GAD2: variants seen among roughly 807,000 people sequenced by gnomAD.
GAD2 encodes the protein 65 kDa glutamic acid decarboxylase.
In GAD2, 22 loss-of-function variants were observed where a neutral mutation model predicts 80.1. The observed-to-expected ratio is 0.27, with a 90% CI of 0.20 to 0.39. The LOEUF (loss-of-function observed/expected upper bound fraction) is 0.39, where lower values mean the gene tolerates loss of function less well. Among genes scored for constraint, GAD2 ranks in the 10% least tolerant of loss-of-function variants. The probability of loss-of-function intolerance (pLI) is 1.00; values close to 1 mark genes in which losing one functional copy is unlikely to be tolerated. For synonymous variants in GAD2, 274 were observed against 256.9 expected, an observed-to-expected ratio of 1.07 and a Z score of -0.64; for missense variants, 624 against 738.4, an observed-to-expected ratio of 0.85 and a Z score of 1.80.
At chr10:26,237,159 T>C (rs1477854978) in intron 7 of GAD2, among the ~76,000 whole-genome samples, 2 of 152,164 alleles carry the variant, frequency 1.3e-5, no homozygotes, top group Non-Finnish European at 2.9e-5. Flanking sequence ...TCTCAGCAAG[T>C]GTCCCTTGTT....
intron 8 of GAD2, among the ~76,000 whole-genome samples, chr10:26,257,524 T>C (rs1276233504): frequency 6.6e-6 from 1 of 152,244 alleles, no homozygotes. Context: ...AGAAAATAAA[T>C]CTGACCAAGA....
At chr10:26,263,093 ATG>A (rs1845027945) in intron 8 of GAD2, among the ~76,000 whole-genome samples, 1 of 152,186 alleles carries the variant, frequency 6.6e-6, no homozygotes, top group African/African-American at 2.4e-5. Context: ...TAGTCATAGT[ATG>A]TGTGCTAAGT....
chr10:26,221,752 A>G (rs1223643618), intron 4 of GAD2, among the ~76,000 whole-genome samples: 1 of 152,208 alleles, frequency 6.6e-6, no homozygotes, highest in Non-Finnish European at 1.5e-5. Flanking sequence ...CTGAGCAGCC[A>G]GTTCTCACAT....
chr10:26,276,388 T>G (rs1484644207), intron 11 of GAD2, among the ~76,000 whole-genome samples: 1 of 151,978 alleles, frequency 6.6e-6, no homozygotes, highest in Non-Finnish European at 1.5e-5. Flanking sequence ...TTATTTTTAT[T>G]TATTTATTTT....
At chr10:26,243,247 G>T (rs1002305136) in intron 7 of GAD2, among the ~76,000 whole-genome samples, 1 of 152,082 alleles carries the variant, frequency 6.6e-6, no homozygotes, top group Non-Finnish European at 1.5e-5. Context: ...TCCTTGATTG[G>T]TCATCATTAT....
At chr10:26,265,933 T>C (rs1845067876) in intron 8 of GAD2, among the ~76,000 whole-genome samples, 1 of 152,208 alleles carries the variant, frequency 6.6e-6, no homozygotes, top group African/African-American at 2.4e-5. Context: ...CTCCTTCTGC[T>C]CACTGCCCTG....
At chr10:26,285,228 TC>T (rs2132315110) in intron 12 of GAD2, among the ~76,000 whole-genome samples, 1 of 152,366 alleles carries the variant, frequency 6.6e-6, no homozygotes, top group East Asian at 1.9e-4. Flanking sequence ...AGAGTCCAGT[TC>T]TGTTGTCTAC....
At position 26,217,541 on chromosome 10, in the gene GAD2, C is replaced by T; in HGVS notation, c.77-69C>T. 6.7e-7 allele frequency: 1 copy of T among 1,499,208 alleles called. No individual in the cohort carries two copies. The highest frequency in any genetic ancestry group is 1.2e-5 in the South Asian group (1 of 83,712). 92.9% of individuals were successfully genotyped at this position (1,499,208 alleles called of 1,614,324 possible). On this transcript the variant is annotated intron_variant, in intron 1 of 15. Coordinates refer to ENST00000376261, the MANE Select transcript of GAD2 (RefSeq NM_001134366.2). The surrounding 1 kb of genome is among the most constrained non-coding windows in gnomAD (Gnocchi z 4.9). ...CGGACTGATTGATTTTCACATAGAA[C>T]GAAATTTCACACGTCCGTCTGTTGT...
At chr10:26,249,091 C>T (rs550368409) in intron 8 of GAD2, among the ~76,000 whole-genome samples, 3 of 152,288 alleles carry the variant, frequency 2.0e-5, no homozygotes, top group East Asian at 3.9e-4. Context: ...GGGATGGAGT[C>T]TCGCTCTGTT....
At chr10:26,237,873 T>A (rs1191092868) in intron 7 of GAD2, among the ~76,000 whole-genome samples, 1 of 151,664 alleles carries the variant, frequency 6.6e-6, no homozygotes. Flanking sequence ...CAGGGTGTAA[T>A]GGCGGCACCT....
chr10:26,230,787 C>T (rs1166588979), intron 7 of GAD2, among the ~76,000 whole-genome samples: 1 of 151,716 alleles, frequency 6.6e-6, no homozygotes, highest in Non-Finnish European at 1.5e-5. Context: ...GGTTTTGTTA[C>T]CATAAAGAAA....
intron 7 of GAD2, among the ~76,000 whole-genome samples, chr10:26,237,514 G>T (rs559261382): frequency 3.2e-4 from 49 of 152,094 alleles, no homozygotes; most frequent in African/African-American, 1.0e-3. Context: ...GTTAGAAGGA[G>T]CTGAGCCCAA....
In GAD2 at chr10:26,304,415, A is replaced by G. The variant is rs41279918; in HGVS notation, c.*3454A>G. ...AACATTCCCCCAACATTACTCCATT[A>G]CTAAAGACAGAAAAAAATAAAAACA... On this transcript the variant is annotated 3_prime_UTR_variant, in exon 16 of 16. Coordinates refer to ENST00000376261, the MANE Select transcript of GAD2 (RefSeq NM_001134366.2). 2.8e-3 allele frequency: 422 copies of G among 152,768 alleles called. 3 individuals are homozygous for G. The highest frequency in any genetic ancestry group is 3.0e-3 in the Non-Finnish European group (204 of 68,030). The allele number at this position is 152,768 out of a possible 1,614,324, so 9.5% of individuals were successfully genotyped here.
chr10:26,251,044 AT>A (rs372668016), intron 8 of GAD2, among the ~76,000 whole-genome samples: 8 of 117,984 alleles, frequency 6.8e-5, no homozygotes, highest in African/African-American at 1.7e-4. Context: ...CATGCCCGGC[AT>A]TTTTTTTTTG....
intron 8 of GAD2, among the ~76,000 whole-genome samples, chr10:26,246,478 C>A (rs1844812698): frequency 6.6e-6 from 1 of 152,164 alleles, no homozygotes; most frequent in African/African-American, 2.4e-5. Flanking sequence ...TAATTGACAC[C>A]TGAACTTCAC....
intron 8 of GAD2, among the ~76,000 whole-genome samples, chr10:26,262,528 TAA>T (rs1271925045): frequency 1.3e-5 from 2 of 152,112 alleles, no homozygotes; most frequent in African/African-American, 2.4e-5. Flanking sequence ...TTGAATTTAT[TAA>T]GTTTACTTTT....
intron 3 of GAD2, among the ~76,000 whole-genome samples, chr10:26,218,551 T>TCTCTCTCTCACA (rs748110324): frequency 5.6e-4 from 66 of 118,854 alleles, no homozygotes; most frequent in African/African-American, 2.0e-3. Flanking sequence ...TCTCTCTCTC[T>TCTCTCTCTCACA]CACACACACA....
Position 26,274,684 on chromosome 10 carries a change from G to C in GAD2, c.1157+984G>C, listed in dbSNP as rs535892819. ...ACTTGTGAGCCCTGGGCATGTGGGA[G>C]GCCCAGGCCAGAGTGGCTGTGCAGA... On this transcript the variant is annotated intron_variant, in intron 11 of 15. Coordinates refer to ENST00000376261, the MANE Select transcript of GAD2 (RefSeq NM_001134366.2). Among the ~76,000 whole-genome samples, 136 of 152,332 alleles carry C rather than the reference G, an allele frequency of 8.9e-4. No individual in the cohort carries two copies. In the Middle Eastern group the frequency reaches 0.027, roughly 30 times the overall value.
chr10:26,231,929 G>C (rs1179310621), intron 7 of GAD2, among the ~76,000 whole-genome samples: 1 of 152,052 alleles, frequency 6.6e-6, no homozygotes, highest in Admixed American at 6.5e-5. Flanking sequence ...GATCTACTCA[G>C]ATAATCCAGG....
Sources: gnomAD v4.1 joint callset for allele counts (sites outside exome capture counted in the v4.1 genomes callset) on GRCh38, gnomAD v4.1.1 for gene constraint, Gnocchi (gnomAD v3.1) non-coding constraint, MANE v1.5 for transcripts, NCBI Gene and HGNC (gene_info 2026-07-23, HGNC 2026-07-21) for gene names.